The following RSRC2 variants were observed in gnomAD, a reference collection of about 807,000 sequenced individuals.
The protein encoded by RSRC2 is arginine and serine rich coiled-coil 2.
Under a neutral mutation model 61.3 loss-of-function variants are expected in RSRC2, and 5 were observed. The ratio of observed to expected loss-of-function variants is 0.08; its 90% CI spans 0.04 to 0.17. RSRC2 has a LOEUF of 0.17. Ranked by LOEUF, RSRC2 falls within the 10% of genes least tolerant of loss-of-function variation. The pLI is 1.00. For synonymous variants in RSRC2, 202 were observed against 166.5 expected (o/e 1.21, Z -1.64); for missense variants, 381 against 518.8 (o/e 0.73, Z 2.58).
intron 6 of RSRC2, 97 bp downstream of exon 6, chr12:122,515,008 G>T: frequency 7.6e-7 from 1 of 1,313,158 alleles, no homozygotes; most frequent in Non-Finnish European, 1.1e-6. Context: ...ACTAAAGTAT[G>T]TGAATCATTC....
At chr12:122,509,059 A>G (rs1958306677) in intron 7 of RSRC2, among the ~76,000 whole-genome samples, 1 of 152,182 alleles carries the variant, frequency 6.6e-6, no homozygotes, top group African/African-American at 2.4e-5. Flanking sequence ...TTTCTAAGGT[A>G]TAATTACAAA....
intron 5 of RSRC2, 71 bp downstream of exon 5, chr12:122,517,156 C>G (rs895943223): frequency 5.0e-6 from 8 of 1,602,006 alleles, no homozygotes; most frequent in Non-Finnish European, 4.3e-6. Flanking sequence ...TTTTAATACT[C>G]TCTTACTGAG....
intron 7 of RSRC2, among the ~76,000 whole-genome samples, chr12:122,509,315 T>TAATA: frequency 1.3e-5 from 2 of 151,592 alleles, no homozygotes; most frequent in Admixed American, 1.3e-4. Context: ...CCAGGCGTGG[T>TAATA]GGCAGGCGCC....
chr12:122,525,855 T>C (rs1960222713), intron 1 of RSRC2, among the ~76,000 whole-genome samples: 1 of 7,556 alleles, frequency 1.3e-4, no homozygotes, highest in Non-Finnish European at 2.1e-4. Context: ...GGAGTCTCGC[T>C]CTGTCACCCA....
At position 122,508,137 on chromosome 12, in the gene RSRC2, A is replaced by G. The variant is rs191240506; in HGVS notation, c.1035+81T>C. The G allele has an allele frequency of 4.9e-5, 64 of 1,298,660 alleles. No homozygotes were observed. In the Admixed American group the frequency reaches 6.3e-4, roughly 13 times the overall value. 80.4% of individuals were successfully genotyped at this position (1,298,660 alleles called of 1,614,324 possible). A position where few individuals can be genotyped will look rare whatever the true frequency, so the allele number is the denominator to read the frequency against. ...TTCTTACAAAGTTAAGCCGAAAGTAATATTTTTCAACCCAAATTTGTTTTT... is the reference window on the plus strand; with the variant it reads ...TTCTTACAAAGTTAAGCCGAAAGTAGTATTTTTCAACCCAAATTTGTTTTT... On this transcript the variant is annotated intron_variant, in intron 8 of 9. Coordinates refer to ENST00000331738, the MANE Select transcript of RSRC2 (RefSeq NM_023012.6).
At chr12:122,510,698 A>C (rs115565039) in intron 7 of RSRC2, among the ~76,000 whole-genome samples, 1,692 of 152,318 alleles carry the variant, frequency 0.011, 32 homozygotes, top group African/African-American at 0.039. Flanking sequence ...AGTAGGAATC[A>C]TAGGTGATTT....
At chr12:122,518,622 C>T (rs1959101967) in intron 4 of RSRC2, among the ~76,000 whole-genome samples, 3 of 150,844 alleles carry the variant, frequency 2.0e-5, no homozygotes, top group African/African-American at 4.9e-5. Context: ...GAAATCTAGG[C>T]ACTTGAGATT....
chr12:122,518,501 G>A (rs1355938197), intron 4 of RSRC2, among the ~76,000 whole-genome samples: 4 of 151,546 alleles, frequency 2.6e-5, no homozygotes, highest in East Asian at 1.9e-4. Context: ...GCTGAGAAAG[G>A]AGAATCACTT....
At chr12:122,510,870 G>A (rs1345130258) in intron 7 of RSRC2, among the ~76,000 whole-genome samples, 9 of 151,632 alleles carry the variant, frequency 5.9e-5, no homozygotes, top group African/African-American at 2.2e-4. Flanking sequence ...CATAGTGAAA[G>A]GTCCTCTCTA....
chr12:122,525,502 T>C (rs192138441), intron 1 of RSRC2, among the ~76,000 whole-genome samples: 3 of 151,684 alleles, frequency 2.0e-5, no homozygotes, highest in African/African-American at 4.9e-5. Context: ...ACCTAAATAA[T>C]AGAGGGGTAT....
At chr12:122,507,688 G>T (rs1392312102) in intron 8 of RSRC2, among the ~76,000 whole-genome samples, 2 of 149,952 alleles carry the variant, frequency 1.3e-5, no homozygotes, top group South Asian at 2.1e-4. Flanking sequence ...TTGAGACAGG[G>T]TCTCACCCAG....
rs12818552 is a variant in RSRC2, at chr12:122,504,296, C to A, written c.*1231G>T. On this transcript the variant is annotated 3_prime_UTR_variant, in exon 10 of 10. Coordinates refer to ENST00000331738, the MANE Select transcript of RSRC2 (RefSeq NM_023012.6). The stretch of plus-strand genomic sequence containing the variant: ...AACTTCAAGTTTTGCAGGCCCCCCC[C>A]ACCCCTTGGCTCCAGATTTATGTTC... The A allele has an allele frequency of 0.34, 51,810 of 151,976 alleles. 10,696 individuals carry two copies. The highest frequency in any genetic ancestry group is 0.46 in the Non-Finnish European group (31,193 of 67,992). The allele number at this position is 151,976 out of a possible 1,614,324, so 9.4% of individuals were successfully genotyped here.
At chr12:122,510,545 G>C (rs964590162) in intron 7 of RSRC2, among the ~76,000 whole-genome samples, 1 of 151,848 alleles carries the variant, frequency 6.6e-6, no homozygotes, top group Non-Finnish European at 1.5e-5. Context: ...AACAAGATCT[G>C]TCATGATGAC....
At chr12:122,505,923 C>A (rs764117327) in intron 9 of RSRC2, among the ~76,000 whole-genome samples, 2 of 152,026 alleles carry the variant, frequency 1.3e-5, no homozygotes, top group Non-Finnish European at 1.5e-5. Context: ...GGATTAGAGG[C>A]ACATGCCACC....
Position 122,518,916 on chromosome 12 carries a change from A to G in RSRC2, c.321T>C (p.Asn107=). The G allele has an allele frequency of 2.5e-6, 4 of 1,614,000 alleles. No individual in the cohort carries two copies. The highest frequency in any genetic ancestry group is 1.1e-5 in the South Asian group (1 of 91,076). Reference sequence around the variant, plus strand: ...CTTTGCGTTTGTGCCTGTCCTCACCATTTTCAGATGAATTTAGTCGCTCTC... The same window carrying G: ...CTTTGCGTTTGTGCCTGTCCTCACCGTTTTCAGATGAATTTAGTCGCTCTC... The part of the protein sequence containing the change: ...KGRERLNSSE[N]GEDRHKRKER... The change falls in exon 4 of 10, where the codon AAT becomes AAC. Residue 107 remains asparagine, a synonymous_variant. Coordinates refer to ENST00000331738, the MANE Select transcript of RSRC2 (RefSeq NM_023012.6).
intron 3 of RSRC2, 167 bp downstream of exon 3, chr12:122,521,215 ATCT>A (rs1307262080): frequency 1.6e-5 from 8 of 493,946 alleles, no homozygotes; most frequent in Middle Eastern, 5.4e-4. Flanking sequence ...TCACATAAAC[ATCT>A]TCTTCAAAAA....
In RSRC2 at chr12:122,504,620, C is replaced by G. The variant is rs1321774921; in HGVS notation, c.*907G>C. 6.6e-6 allele frequency: 1 copy of G among 152,284 alleles called. No homozygotes were observed. Among genetic ancestry groups the G allele is most frequent in the African/African-American group, 2.4e-5 (1 of 41,418 alleles). The allele number at this position is 152,284 out of a possible 1,614,324, so 9.4% of individuals were successfully genotyped here. ...CCCAGTTTAGGCAACAGAGCAAGAT[C>G]CTGTCTCAAAAAAACAAACAAAAAA... is the stretch of plus-strand genomic sequence containing the variant. On this transcript the variant is annotated 3_prime_UTR_variant, in exon 10 of 10. Coordinates refer to ENST00000331738, the MANE Select transcript of RSRC2 (RefSeq NM_023012.6).
intron 7 of RSRC2, among the ~76,000 whole-genome samples, chr12:122,510,394 G>A (rs1206739531): frequency 6.6e-6 from 1 of 152,146 alleles, no homozygotes. Flanking sequence ...GCTAGATGTG[G>A]TGGTGCACAC....
intron 9 of RSRC2, among the ~76,000 whole-genome samples, chr12:122,506,107 G>A (rs1007269674): frequency 2.6e-5 from 4 of 151,966 alleles, no homozygotes; most frequent in African/African-American, 9.7e-5. Flanking sequence ...CTTTTGGCCG[G>A]GTGCAGTGTG....
Sources: allele counts gnomAD v4.1 joint callset (sites outside exome capture counted in the v4.1 genomes callset), GRCh38; gene constraint gnomAD v4.1.1; transcripts MANE v1.5; gene names NCBI Gene and HGNC (gene_info 2026-07-23, HGNC 2026-07-21).